Variants in KRT222 observed in about 807,000 individuals in gnomAD.
The protein encoded by KRT222 is keratin 222.
A neutral mutation model predicts 35.0 loss-of-function variants in KRT222; 23 were observed. The ratio of observed to expected loss-of-function variants is 0.66; its 90% CI spans 0.47 to 0.93. The LOEUF is 0.93. Among genes scored for constraint, KRT222 ranks in the 40% least tolerant of loss-of-function variants. The pLI is 0.00. For missense variants in KRT222, 339 were observed against 346.3 expected (o/e 0.98, Z 0.17); for synonymous variants, 108 against 118.8 (o/e 0.91, Z 0.59).
intron 2 of KRT222, among the ~76,000 whole-genome samples, 174 bp from the exon 3 acceptor site, chr17:40,660,381 A>G (rs1040132610): frequency 6.6e-6 from 1 of 151,508 alleles, no homozygotes; most frequent in Non-Finnish European, 1.5e-5. Flanking sequence ...CCTGGGCTCA[A>G]TGATTCTCCT....
chr17:40,660,641 C>G (rs1008350299), intron 2 of KRT222, among the ~76,000 whole-genome samples: 1 of 151,880 alleles, frequency 6.6e-6, no homozygotes, highest in Admixed American at 6.6e-5. Flanking sequence ...TATACCTATG[C>G]AAGAGGTGTG....
Position 40,656,748 on chromosome 17 carries a change from A to G in KRT222, c.660-118T>C, listed in dbSNP as rs2037347365. The G allele has an allele frequency of 8.6e-6, 5 of 579,368 alleles. No individual in the cohort carries two copies. In the South Asian group the frequency reaches 1.0e-4, roughly 12 times the overall value. The allele number at this position is 579,368 out of a possible 1,614,324, so 35.9% of individuals were successfully genotyped here. ...AATTTGTATAATTTATAGTGTATAG[A>G]ATTTATAATGTACATACTTTAAAAA... is the stretch of plus-strand genomic sequence containing the variant. On this transcript the variant is annotated intron_variant, in intron 5 of 5. Transcript: ENST00000394052.
chr17:40,662,298 G>A (rs1444101090), intron 1 of KRT222, among the ~76,000 whole-genome samples: 2 of 152,094 alleles, frequency 1.3e-5, no homozygotes, highest in African/African-American at 2.4e-5. Flanking sequence ...TGTGAAATAT[G>A]GAAAAATACA....
In KRT222 at chr17:40,660,096, G is replaced by T. The variant is rs147867384; in HGVS notation, c.337C>A (p.Arg113Ser). 6.2e-7 allele frequency: 1 copy of T among 1,614,038 alleles called. No individual in the cohort carries two copies. Among genetic ancestry groups the T allele is most frequent in the Non-Finnish European group, 8.5e-7 (1 of 1,179,988 alleles). Reference protein sequence around the residue: ...GLEKELQEVRRGIEKQLQEHE... With the variant: ...GLEKELQEVRSGIEKQLQEHE... Reference sequence around the variant, plus strand: ...TCTTGAAGCTGCTTTTCGATGCCGCGCCTTACTTCCTGTAGCTCTTTTTCT... The same window carrying T: ...TCTTGAAGCTGCTTTTCGATGCCGCTCCTTACTTCCTGTAGCTCTTTTTCT... The change falls in exon 3 of 6, where the codon CGC becomes AGC. Residue 113 changes from arginine to serine, a missense_variant. By Grantham distance (110) the Arg-to-Ser change is moderately radical. Transcript: ENST00000394052.
At chr17:40,664,843 C>A in intron 1 of KRT222, 161 bp downstream of exon 1, 1 of 1,173,254 alleles carries the variant, frequency 8.5e-7, no homozygotes. Context: ...CAGTATTTCC[C>A]CCTGTAGTCC....
intron 1 of KRT222, among the ~76,000 whole-genome samples, chr17:40,662,273 C>A (rs1345737883): frequency 6.6e-6 from 1 of 152,124 alleles, no homozygotes; most frequent in East Asian, 1.9e-4. Flanking sequence ...GAAATCCCTT[C>A]CAACTATGAC....
intron 4 of KRT222, 67 bp downstream of exon 4, chr17:40,657,607 C>A: frequency 6.7e-7 from 1 of 1,501,284 alleles, no homozygotes; most frequent in Non-Finnish European, 9.1e-7. Flanking sequence ...ATTTAATTTC[C>A]TTATAAAGTA....
At position 40,655,829 on chromosome 17, in the gene KRT222, A is replaced by G. The variant is rs866927590; in HGVS notation, c.*573T>C. The G allele has an allele frequency of 3.9e-5, 6 of 152,204 alleles. No homozygotes were observed. Among genetic ancestry groups the G allele is most frequent in the South Asian group, 2.1e-4 (1 of 4,836 alleles). 9.4% of individuals were successfully genotyped at this position (152,204 alleles called of 1,614,324 possible). A position where few individuals can be genotyped will look rare whatever the true frequency, so the allele number is the denominator to read the frequency against. ...TTGCTCAGAATTTCTCATGGAAAATAACTCATTTTTCTCAGTATACAAATG... is the reference window on the plus strand; with the variant it reads ...TTGCTCAGAATTTCTCATGGAAAATGACTCATTTTTCTCAGTATACAAATG... On this transcript the variant is annotated 3_prime_UTR_variant, in exon 6 of 6. Coordinates refer to ENST00000394052, the MANE Select transcript of KRT222 (RefSeq NM_152349.3).
chr17:40,661,345 C>A (rs1195513141), intron 2 of KRT222, among the ~76,000 whole-genome samples: 1 of 151,838 alleles, frequency 6.6e-6, no homozygotes, highest in Non-Finnish European at 1.5e-5. Flanking sequence ...TGGCTTACTG[C>A]AACCTCTGCC....
At chr17:40,664,035 A>G (rs2037403890) in intron 1 of KRT222, among the ~76,000 whole-genome samples, 1 of 152,212 alleles carries the variant, frequency 6.6e-6, no homozygotes. Context: ...CAATGGAACT[A>G]AAAATGAGTG....
At chr17:40,664,982 C>T (rs763640728) in intron 1 of KRT222, 22 bp downstream of exon 1, 1 of 1,613,634 alleles carries the variant, frequency 6.2e-7, no homozygotes, top group South Asian at 1.1e-5. Context: ...CTGGAAGGTG[C>T]CTGTCTGTAT....
chr17:40,661,765 G>C, intron 2 of KRT222, 151 bp downstream of exon 2: 2 of 927,462 alleles, frequency 2.2e-6, no homozygotes, highest in Non-Finnish European at 3.2e-6. Flanking sequence ...TGGAGGGAGG[G>C]GTGAGTAATT....
rs527480126 is a variant in KRT222, at chr17:40,665,150, T to C, written c.-51A>G. 33 of 1,554,254 alleles carry C rather than the reference T, an allele frequency of 2.1e-5. No homozygotes were observed. In the African/African-American group the frequency reaches 3.8e-4, roughly 18 times the overall value. ...AACTGAACCTTATCGATAGGATGAG[T>C]CGCTGCGGCAGTCTGCTCGGTCTGC... On this transcript the variant is annotated 5_prime_UTR_variant, in exon 1 of 6. Coordinates refer to ENST00000394052, the MANE Select transcript of KRT222 (RefSeq NM_152349.3).
At chr17:40,657,952 A>G (rs67138687) in intron 3 of KRT222, among the ~76,000 whole-genome samples, 71,018 of 152,016 alleles carry the variant, frequency 0.47, 17,239 homozygotes, top group Non-Finnish European at 0.56. Context: ...ATAGTTTTAT[A>G]AAGTTTAGAA....
In KRT222 at chr17:40,656,589, G is replaced by T. The variant is rs756777748; in HGVS notation, c.701C>A (p.Ser234Tyr). 10 of 1,612,630 alleles carry T rather than the reference G, an allele frequency of 6.2e-6. No homozygotes were observed. In the East Asian group the frequency reaches 2.2e-4, roughly 36 times the overall value. ...VDEVIKEWEGSFFKDNPRLRK... is the reference protein window; with the variant it reads ...VDEVIKEWEGYFFKDNPRLRK... ...CAATCGAGGGTTATCTTTAAAGAAA[G>T]AACCTTCCCATTCTTTAATAACTTC... is the stretch of plus-strand genomic sequence containing the variant. The change falls in exon 6 of 6, where the codon TCT becomes TAT. Residue 234 changes from serine to tyrosine, a missense_variant. Transcript: ENST00000394052.
Position 40,656,458 on chromosome 17 carries a change from T to G in KRT222, c.832A>C (p.Ile278Leu). ...DNLPDIEVRL[I>L]MRRSCSIPSI... is the part of the protein sequence containing the mutation. Reference sequence around the variant, plus strand: ...GGAATACTGCATGATCTTCTCATGATAAGCCTGACTTCTATATCTGGTAGA... The same window carrying G: ...GGAATACTGCATGATCTTCTCATGAGAAGCCTGACTTCTATATCTGGTAGA... The change falls in exon 6 of 6, where the codon ATC (isoleucine) becomes CTC (leucine). Residue 278 changes from isoleucine to leucine, a missense_variant. Coordinates refer to ENST00000394052, the MANE Select transcript of KRT222 (RefSeq NM_152349.3). The G allele has an allele frequency of 6.2e-7, 1 of 1,613,990 alleles. No homozygotes were observed. Among genetic ancestry groups the G allele is most frequent in the East Asian group, 2.2e-5 (1 of 44,820 alleles).
chr17:40,656,895 T>C (rs1203212932), intron 5 of KRT222, among the ~76,000 whole-genome samples: 9 of 152,168 alleles, frequency 5.9e-5, no homozygotes, highest in Non-Finnish European at 1.2e-4. Context: ...TGAGTTTTTA[T>C]GTATATATGT....
At chr17:40,663,513 C>T (rs1331367722) in intron 1 of KRT222, among the ~76,000 whole-genome samples, 2 of 152,160 alleles carry the variant, frequency 1.3e-5, no homozygotes, top group East Asian at 3.9e-4. Flanking sequence ...AGAGAAAGTC[C>T]CAGCAGAGCC....
chr17:40,664,923 T>G, intron 1 of KRT222, 81 bp downstream of exon 1: 1 of 1,603,560 alleles, frequency 6.2e-7, no homozygotes, highest in Non-Finnish European at 8.5e-7. Flanking sequence ...ATACTGTACC[T>G]CAGAGAGGCC....
Sources: gnomAD v4.1 joint callset for allele counts (sites outside exome capture counted in the v4.1 genomes callset) on GRCh38, gnomAD v4.1.1 for gene constraint, MANE v1.5 for transcripts, NCBI Gene and HGNC (gene_info 2026-07-23, HGNC 2026-07-21) for gene names.